The following CNTN6 variants were observed in gnomAD, a reference collection of about 807,000 sequenced individuals.
CNTN6 encodes contactin 6.
In CNTN6, 137 loss-of-function variants were observed where a neutral mutation model predicts 122.8. That is an observed-to-expected ratio of 1.12 (90% CI 0.97 to 1.29). The LOEUF is 1.29. Among genes scored for constraint, CNTN6 ranks in the 50% most tolerant of loss-of-function variants. The pLI is 0.00. For missense variants in CNTN6, 1,634 were observed against 1,223.4 expected, an observed-to-expected ratio of 1.34 and a Z score of -5.01; for synonymous variants, 570 against 426.0, an observed-to-expected ratio of 1.34 and a Z score of -4.16.
intron 12 of CNTN6, 84 bp downstream of exon 12, chr3:1,352,535 A>G: frequency 6.7e-7 from 1 of 1,498,130 alleles, no homozygotes; most frequent in African/African-American, 1.4e-5. Flanking sequence ...TCAAACCTGT[A>G]CCATATTGTG....
chr3:1,270,416 CAT>C (rs1378780856), intron 4 of CNTN6, among the ~76,000 whole-genome samples: 15 of 152,162 alleles, frequency 9.9e-5, no homozygotes, highest in Admixed American at 9.8e-4. Context: ...TTGCATATAT[CAT>C]ATCTGGGAGT....
At chr3:1,306,685 A>G (rs1698413904) in intron 7 of CNTN6, among the ~76,000 whole-genome samples, 1 of 152,176 alleles carries the variant, frequency 6.6e-6, no homozygotes, top group African/African-American at 2.4e-5. Context: ...GTTTGTAAGG[A>G]CTGGAAATAC....
intron 1 of CNTN6, among the ~76,000 whole-genome samples, chr3:1,094,693 C>A (rs2090427001): frequency 6.6e-6 from 1 of 150,846 alleles, no homozygotes; most frequent in Admixed American, 6.6e-5. Flanking sequence ...AGTTTAGAAC[C>A]CCCTCTAAAA....
At chr3:1,211,270 C>G (rs1174407682) in intron 2 of CNTN6, among the ~76,000 whole-genome samples, 1 of 152,156 alleles carries the variant, frequency 6.6e-6, no homozygotes. Context: ...TGGGTGAAAC[C>G]TGAAATTTAC....
At chr3:1,146,720 A>T (rs902210635) in intron 1 of CNTN6, among the ~76,000 whole-genome samples, 9 of 152,234 alleles carry the variant, frequency 5.9e-5, no homozygotes, top group African/African-American at 2.2e-4. Flanking sequence ...TTGTCTTGCA[A>T]AGAATGTGAT....
chr3:1,357,414 C>T (rs1428956781), intron 12 of CNTN6, among the ~76,000 whole-genome samples: 1 of 151,830 alleles, frequency 6.6e-6, no homozygotes, highest in African/African-American at 2.4e-5. Context: ...TTATTCATTA[C>T]TATTTGTTAA....
intron 1 of CNTN6, among the ~76,000 whole-genome samples, chr3:1,106,133 TA>T (rs2091208201): frequency 6.6e-6 from 1 of 151,550 alleles, no homozygotes; most frequent in African/African-American, 2.4e-5. Context: ...CAGGACTGCA[TA>T]AGGGGAACAG....
chr3:1,385,884 T>TC (rs1692823735), intron 20 of CNTN6, 87 bp downstream of exon 20: 9 of 1,250,638 alleles, frequency 7.2e-6, no homozygotes, highest in Non-Finnish European at 9.8e-6. Context: ...TTCCCACACC[T>TC]CATTTCTTTA....
chr3:1,375,743 T>C lies in CNTN6; in HGVS notation c.2096-1262T>C, dbSNP rs542485855. ...AAGGTTTAGGTTCACATAACTTCTT[T>C]CTAAAAAATTATGAAGCTTAAAGCT... is the stretch of plus-strand genomic sequence containing the variant. On this transcript the variant is annotated intron_variant, in intron 16 of 22. Coordinates refer to ENST00000446702, the MANE Select transcript of CNTN6 (RefSeq NM_001289080.2). Among the ~76,000 whole-genome samples, 12 of 152,130 alleles carry C rather than the reference T, an allele frequency of 7.9e-5. No individual in the cohort carries two copies. In the South Asian group the frequency reaches 1.2e-3, roughly 16 times the overall value.
chr3:1,265,511 G>A (rs898382470), intron 4 of CNTN6, among the ~76,000 whole-genome samples: 1 of 152,142 alleles, frequency 6.6e-6, no homozygotes, highest in Non-Finnish European at 1.5e-5. Flanking sequence ...CAACACACTT[G>A]ATAAACACAT....
At chr3:1,385,833 C>T (rs1193430331) in intron 20 of CNTN6, 36 bp downstream of exon 20, 2 of 1,530,174 alleles carry the variant, frequency 1.3e-6, no homozygotes, top group Admixed American at 2.0e-5. Context: ...CAAGATTCAT[C>T]TGTGAAGAGC....
Position 1,324,414 on chromosome 3 carries a change from T to C in CNTN6, c.947-1401T>C, listed in dbSNP as rs3863114. ...CCAGTTCAGCACTGTGCGTTGTAGA[T>C]GTAACCTGAAGGAGTGTTGTCTCAG... On this transcript the variant is annotated intron_variant, in intron 8 of 22. Transcript: ENST00000446702. 9.5e-3 allele frequency among the ~76,000 whole-genome samples: 1,417 copies of C among 149,806 alleles called. 22 individuals are homozygous for C. The highest frequency in any genetic ancestry group is 0.014 in the Non-Finnish European group (921 of 67,870).
chr3:1,279,566 C>T (rs1156892803), intron 5 of CNTN6, among the ~76,000 whole-genome samples: 1 of 152,186 alleles, frequency 6.6e-6, no homozygotes, highest in Non-Finnish European at 1.5e-5. Context: ...CAAGGTCACG[C>T]AGCTGGCAGG....
chr3:1,345,589 A>G (rs185809315), intron 11 of CNTN6, among the ~76,000 whole-genome samples: 102 of 152,324 alleles, frequency 6.7e-4, no homozygotes, highest in Admixed American at 5.4e-3. Context: ...TGACATTAGC[A>G]TAGATATTAC....
At chr3:1,336,593 G>A (rs1703101951) in intron 11 of CNTN6, among the ~76,000 whole-genome samples, 2 of 152,112 alleles carry the variant, frequency 1.3e-5, no homozygotes, top group Admixed American at 1.3e-4. Context: ...GCAGACAGGT[G>A]TTATCAAATC....
At chr3:1,127,754 G>A (rs370427164) in intron 1 of CNTN6, among the ~76,000 whole-genome samples, 60 of 151,924 alleles carry the variant, frequency 3.9e-4, no homozygotes, top group African/African-American at 1.3e-3. Context: ...TCTAAATATA[G>A]CTGGAGGGTC....
rs149186139 is a variant in CNTN6, at chr3:1,264,673, T to A, written c.359-13740T>A. On this transcript the variant is annotated intron_variant, in intron 4 of 22. Transcript: ENST00000446702. ...TATGGAATGGTTAAATCAAGCTAATTAAATTTGTCACCCCACATACTTGTC... is the reference window on the plus strand; with the variant it reads ...TATGGAATGGTTAAATCAAGCTAATAAAATTTGTCACCCCACATACTTGTC... Among the ~76,000 whole-genome samples, 368 of 152,318 alleles carry A rather than the reference T, an allele frequency of 2.4e-3. 5 individuals are homozygous for A. The highest frequency in any genetic ancestry group is 8.1e-3 in the African/African-American group (336 of 41,572).
At chr3:1,245,680 T>C (rs1024265080) in intron 4 of CNTN6, among the ~76,000 whole-genome samples, 1 of 151,230 alleles carries the variant, frequency 6.6e-6, no homozygotes, top group Non-Finnish European at 1.5e-5. Context: ...CAAAAACCTA[T>C]TGAAATAAAA....
chr3:1,249,224 A>G (rs1040266439), intron 4 of CNTN6, among the ~76,000 whole-genome samples: 7 of 151,428 alleles, frequency 4.6e-5, no homozygotes, highest in African/African-American at 1.7e-4. Context: ...AATCTTAGGG[A>G]AAAACAAATG....
Sources: gnomAD v4.1 joint callset for allele counts (sites outside exome capture counted in the v4.1 genomes callset) on GRCh38, gnomAD v4.1.1 for gene constraint, MANE v1.5 for transcripts, NCBI Gene and HGNC (gene_info 2026-07-23, HGNC 2026-07-21) for gene names.